The following FLVCR2 variants were observed in gnomAD, a reference collection of about 807,000 sequenced individuals.
FLVCR2 encodes the protein FLVCR choline and putative heme transporter 2.
In FLVCR2, 38 loss-of-function variants were observed where a neutral mutation model predicts 48.9. The observed-to-expected ratio is 0.78, with a 90% CI of 0.60 to 1.02. The LOEUF is 1.02. Among genes scored for constraint, FLVCR2 ranks in the 50% least tolerant of loss-of-function variants. The pLI is 0.00. For missense variants in FLVCR2, 664 were observed against 663.3 expected (o/e 1.00, Z -0.01); for synonymous variants, 255 against 257.0 (o/e 0.99, Z 0.07).
At chr14:75,613,406 A>C (rs1475666892) in intron 1 of FLVCR2, among the ~76,000 whole-genome samples, 1 of 152,004 alleles carries the variant, frequency 6.6e-6, no homozygotes, top group Non-Finnish European at 1.5e-5. Flanking sequence ...ATCTTAGGAG[A>C]ATTCATTATT....
At chr14:75,611,204 G>A (rs545326325) in intron 1 of FLVCR2, among the ~76,000 whole-genome samples, 9 of 152,248 alleles carry the variant, frequency 5.9e-5, no homozygotes, top group African/African-American at 2.2e-4. Flanking sequence ...AACTGTAGCT[G>A]GAGACACCTC....
At chr14:75,583,384 G>C (rs1417993591) in intron 1 of FLVCR2, among the ~76,000 whole-genome samples, 1 of 152,170 alleles carries the variant, frequency 6.6e-6, no homozygotes, top group Admixed American at 6.5e-5. Context: ...GTGATAACAG[G>C]CTTTAATCCT....
In FLVCR2 at chr14:75,625,880, AG is replaced by A. The variant is rs1221146247; in HGVS notation, c.952+1130del. Among the ~76,000 whole-genome samples the A allele has an allele frequency of 1.1e-4, 17 of 152,186 alleles. 3 individuals are homozygous for A. The highest frequency in any genetic ancestry group is 4.1e-4 in the African/African-American group (17 of 41,408). On this transcript the variant is annotated intron_variant, in intron 3 of 9. Transcript: ENST00000238667. ...TAAAATTATCCCTATTTAACAGATG[AG>A]GAAACTAAACTCAAAGTGGCCAAAT...
At chr14:75,580,374 C>T (rs1333855024) in intron 1 of FLVCR2, among the ~76,000 whole-genome samples, 2 of 152,224 alleles carry the variant, frequency 1.3e-5, no homozygotes, top group Non-Finnish European at 2.9e-5. Context: ...TCCAAATACT[C>T]GAAGCAAATA....
In FLVCR2 at chr14:75,579,299, T is replaced by C. The variant is rs2140060351; in HGVS notation, c.327T>C (p.Asn109=). 1 of 1,614,228 alleles carries C rather than the reference T, an allele frequency of 6.2e-7. No homozygotes were observed. The highest frequency in any genetic ancestry group is 1.6e-4 in the Middle Eastern group (1 of 6,062). ...SFQWIQYGSI[N]NIFMHFYGVS... ...AGTGGATCCAGTACGGCTCCATCAA[T>C]AACATCTTCATGCACTTCTACGGTG... Residue 109 remains asparagine, a synonymous_variant, in exon 1 of 10, where the codon AAT becomes AAC. Coordinates refer to ENST00000238667, the MANE Select transcript of FLVCR2 (RefSeq NM_017791.3).
chr14:75,614,908 T>C (rs980719087), intron 1 of FLVCR2, among the ~76,000 whole-genome samples: 31 of 152,170 alleles, frequency 2.0e-4, no homozygotes, highest in African/African-American at 7.5e-4. Context: ...GAGAACTCAC[T>C]ACCATGAGAA....
chr14:75,632,552 C>A, intron 3 of FLVCR2: 1 of 696,194 alleles, frequency 1.4e-6, no homozygotes, highest in Non-Finnish European at 2.6e-6. Context: ...TTCCCTTGCA[C>A]CTTAGCCATC....
chr14:75,614,932 A>G (rs779625609), intron 1 of FLVCR2, among the ~76,000 whole-genome samples: 3 of 152,172 alleles, frequency 2.0e-5, no homozygotes, highest in Non-Finnish European at 4.4e-5. Context: ...CATGGGAGAA[A>G]CTGCCCCCAT....
chr14:75,578,636 G>A lies in FLVCR2; in HGVS notation c.-337G>A, dbSNP rs1457595179. ...TGGCCCGGGAGAGGACTCTGCGGGC[G>A]AAGTGGCTGCGCAAGGAGAGAACTT... On this transcript the variant is annotated 5_prime_UTR_variant, in exon 1 of 10. Transcript: ENST00000238667. The A allele has an allele frequency of 5.0e-6, 2 of 398,184 alleles. No individual in the cohort carries two copies. The highest frequency in any genetic ancestry group is 2.0e-5 in the African/African-American group (1 of 48,794). 24.7% of individuals were successfully genotyped at this position (398,184 alleles called of 1,614,324 possible). A position where few individuals can be genotyped will look rare whatever the true frequency, so the allele number is the denominator to read the frequency against.
chr14:75,585,713 C>T (rs1180500236), intron 1 of FLVCR2, among the ~76,000 whole-genome samples: 2 of 152,134 alleles, frequency 1.3e-5, no homozygotes, highest in Admixed American at 6.5e-5. Flanking sequence ...ATCAGGCAGG[C>T]GTCCCCGCAA....
intron 3 of FLVCR2, among the ~76,000 whole-genome samples, chr14:75,625,296 T>C (rs1250853373): frequency 1.3e-5 from 2 of 150,854 alleles, no homozygotes; most frequent in Non-Finnish European, 2.9e-5. Flanking sequence ...GTAATTGACT[T>C]CTATTTTATC....
At chr14:75,641,769 T>C in intron 8 of FLVCR2, 74 bp from the exon 9 acceptor site, 1 of 1,356,442 alleles carries the variant, frequency 7.4e-7, no homozygotes, top group Non-Finnish European at 1.1e-6. Context: ...CCTTAGGAAA[T>C]GAAGGTTTCT....
chr14:75,587,842 A>G (rs1426819208), intron 1 of FLVCR2, among the ~76,000 whole-genome samples: 1 of 152,224 alleles, frequency 6.6e-6, no homozygotes, highest in Non-Finnish European at 1.5e-5. Flanking sequence ...TGAGAGTCCT[A>G]TAGGATGGAG....
intron 1 of FLVCR2, among the ~76,000 whole-genome samples, chr14:75,613,487 C>T (rs1014756909): frequency 2.6e-5 from 4 of 152,122 alleles, no homozygotes; most frequent in African/African-American, 9.7e-5. Context: ...CTGACCCAAT[C>T]ACCTCCCACC....
chr14:75,617,996 A>G (rs1179086221), intron 1 of FLVCR2, among the ~76,000 whole-genome samples: 1 of 152,208 alleles, frequency 6.6e-6, no homozygotes, highest in African/African-American at 2.4e-5. Flanking sequence ...AAAGACAGAA[A>G]GGAGCTCAGT....
At chr14:75,580,409 G>A (rs751757708) in intron 1 of FLVCR2, among the ~76,000 whole-genome samples, 10 of 152,224 alleles carry the variant, frequency 6.6e-5, no homozygotes, top group Non-Finnish European at 1.0e-4. Flanking sequence ...TAAAGCAAAC[G>A]TCCTTTAGCC....
chr14:75,609,338 G>T (rs926844900), intron 1 of FLVCR2, among the ~76,000 whole-genome samples: 1 of 152,150 alleles, frequency 6.6e-6, no homozygotes, highest in Non-Finnish European at 1.5e-5. Flanking sequence ...TTCAAAGCAG[G>T]ATATTAGGAG....
chr14:75,636,134 G>A (rs868282190), intron 5 of FLVCR2, among the ~76,000 whole-genome samples: 3 of 151,984 alleles, frequency 2.0e-5, no homozygotes, highest in East Asian at 1.9e-4. Flanking sequence ...GTACTGTACC[G>A]GGGCAGAGCA....
At chr14:75,642,226 C>T (rs1212832514) in intron 9 of FLVCR2, among the ~76,000 whole-genome samples, 2 of 152,204 alleles carry the variant, frequency 1.3e-5, no homozygotes, top group African/African-American at 4.8e-5. Flanking sequence ...AGTCCTGAGG[C>T]TCTGGCTCCA....
Sources: allele counts gnomAD v4.1 joint callset (sites outside exome capture counted in the v4.1 genomes callset), GRCh38; gene constraint gnomAD v4.1.1; transcripts MANE v1.5; gene names NCBI Gene and HGNC (gene_info 2026-07-23, HGNC 2026-07-21).